Variants in PTPRM observed in about 807,000 individuals in gnomAD.
The protein encoded by PTPRM is protein tyrosine phosphatase receptor type M, also known as receptor-type tyrosine-protein phosphatase mu.
Under a neutral mutation model 186.7 loss-of-function variants are expected in PTPRM, and 47 were observed. The observed-to-expected ratio is 0.25, with a 90% confidence interval of 0.20 to 0.32. PTPRM has a LOEUF of 0.32. Ranked by LOEUF, PTPRM falls within the 10% of genes least tolerant of loss-of-function variation. The pLI is 1.00. For synonymous variants in PTPRM, 668 were observed against 674.9 expected (o/e 0.99, Z 0.16); for missense variants, 1,494 against 1,865.0 (o/e 0.80, Z 3.66).
chr18:8,289,954 T>C (rs889348036), intron 19 of PTPRM, among the ~76,000 whole-genome samples: 7 of 152,188 alleles, frequency 4.6e-5, no homozygotes, highest in Admixed American at 3.3e-4. Context: ...ATGCTCCTTT[T>C]GCCTGCCTTT....
chr18:7,686,659 G>A (rs1164520924), intron 1 of PTPRM, among the ~76,000 whole-genome samples: 1 of 151,652 alleles, frequency 6.6e-6, no homozygotes, highest in Non-Finnish European at 1.5e-5. Flanking sequence ...TTATTTGTAA[G>A]GTGAATATAA....
At chr18:8,096,610 A>G (rs507445) in intron 11 of PTPRM, among the ~76,000 whole-genome samples, 85,970 of 152,082 alleles carry the variant, frequency 0.57, 24,624 homozygotes, top group Non-Finnish European at 0.63. Context: ...TCAGAGCACT[A>G]AAAGATTGCA....
At chr18:8,132,518 T>A (rs2092536010) in intron 13 of PTPRM, among the ~76,000 whole-genome samples, 1 of 152,176 alleles carries the variant, frequency 6.6e-6, no homozygotes, top group African/African-American at 2.4e-5. Context: ...ATAGTTTGAA[T>A]CCTACTAATT....
chr18:7,826,680 G>A (rs932207465), intron 2 of PTPRM, among the ~76,000 whole-genome samples: 1 of 152,140 alleles, frequency 6.6e-6, no homozygotes. Context: ...GGAAAATACC[G>A]AAATTTATCA....
At chr18:8,174,935 C>T (rs974546149) in intron 14 of PTPRM, among the ~76,000 whole-genome samples, 9 of 152,236 alleles carry the variant, frequency 5.9e-5, no homozygotes, top group African/African-American at 2.2e-4. Flanking sequence ...AATCTGTGCA[C>T]TCTTATCTGA....
At chr18:8,013,288 G>T (rs2084653005) in intron 7 of PTPRM, among the ~76,000 whole-genome samples, 1 of 152,078 alleles carries the variant, frequency 6.6e-6, no homozygotes. Context: ...AGGGGCTGGG[G>T]AACCACAGTT....
intron 22 of PTPRM, among the ~76,000 whole-genome samples, chr18:8,337,749 G>A (rs865848850): frequency 2.0e-5 from 3 of 152,170 alleles, no homozygotes; most frequent in Admixed American, 1.3e-4. Context: ...TTTAAGTGAC[G>A]CATCAGCAGA....
At chr18:7,571,179 A>T (rs542911843) in intron 1 of PTPRM, among the ~76,000 whole-genome samples, 1 of 152,164 alleles carries the variant, frequency 6.6e-6, no homozygotes, top group Non-Finnish European at 1.5e-5. Flanking sequence ...TGACCTTGTG[A>T]TCTGCCTGCC....
chr18:7,825,866 A>T (rs886959054), intron 2 of PTPRM, among the ~76,000 whole-genome samples: 20 of 152,226 alleles, frequency 1.3e-4, no homozygotes, highest in Non-Finnish European at 1.5e-5. Flanking sequence ...GTTTTTCTAG[A>T]ATAATATCGA....
rs116161808 is a variant in PTPRM, at chr18:8,303,643, A to C, written c.2842+7188A>C. Among the ~76,000 whole-genome samples the C allele has an allele frequency of 6.6e-3, 1,000 of 152,326 alleles. 6 individuals are homozygous for C. The highest frequency in any genetic ancestry group is 0.02 in the African/African-American group (848 of 41,558). ...TAAATCCCTGCCAGGATTCTGAAGA[A>C]TAAAGAGAGAGCTCTGACACAGGGA... On this transcript the variant is annotated intron_variant, in intron 20 of 32. Transcript: ENST00000580170.
At chr18:8,328,301 T>C (rs1221415287) in intron 22 of PTPRM, among the ~76,000 whole-genome samples, 1 of 152,236 alleles carries the variant, frequency 6.6e-6, no homozygotes, top group East Asian at 1.9e-4. Context: ...GCACACTCTG[T>C]AAAGCAGCTT....
At chr18:7,741,891 G>T (rs2040891681) in intron 1 of PTPRM, 1 of 152,186 alleles carries the variant, frequency 6.6e-6, no homozygotes, top group South Asian at 2.1e-4. Flanking sequence ...AAGTTTTCCT[G>T]CAGGGAAATT....
intron 1 of PTPRM, among the ~76,000 whole-genome samples, chr18:7,747,351 A>ATCT (rs2041017180): frequency 6.6e-6 from 1 of 152,248 alleles, no homozygotes; most frequent in Non-Finnish European, 1.5e-5. Context: ...AGAAAAGGAG[A>ATCT]GGGAGCCTCC....
At chr18:8,114,702 T>C in intron 12 of PTPRM, 89 bp from the exon 13 acceptor site, 1 of 1,014,334 alleles carries the variant, frequency 9.9e-7, no homozygotes, top group Non-Finnish European at 1.5e-6. Flanking sequence ...TCCTTCCTTA[T>C]CAGTGCTATT....
chr18:7,932,201 G>C (rs2051530335), intron 5 of PTPRM, among the ~76,000 whole-genome samples: 2 of 152,188 alleles, frequency 1.3e-5, no homozygotes, highest in African/African-American at 4.8e-5. Context: ...ACAGATCTTT[G>C]ATCAGGCTAG....
intron 1 of PTPRM, among the ~76,000 whole-genome samples, chr18:7,759,792 C>T (rs1211410229): frequency 6.6e-6 from 1 of 152,082 alleles, no homozygotes; most frequent in Non-Finnish European, 1.5e-5. Context: ...AAATTTCAAG[C>T]CTCTTTGTTA....
chr18:8,087,156 A>G (rs2090475621), intron 10 of PTPRM, among the ~76,000 whole-genome samples: 1 of 152,156 alleles, frequency 6.6e-6, no homozygotes, highest in Non-Finnish European at 1.5e-5. Context: ...CTAGCGCATG[A>G]ATTTATCATG....
chr18:7,623,415 A>G (rs1334284369), intron 1 of PTPRM, among the ~76,000 whole-genome samples: 1 of 152,186 alleles, frequency 6.6e-6, no homozygotes, highest in Non-Finnish European at 1.5e-5. Context: ...CCATGCACGT[A>G]TATATGTATT....
chr18:7,650,282 T>G (rs1264797446), intron 1 of PTPRM, among the ~76,000 whole-genome samples: 2 of 152,170 alleles, frequency 1.3e-5, no homozygotes, highest in Non-Finnish European at 2.9e-5. Flanking sequence ...AAGGTAGATT[T>G]TAACCAGCCC....
Sources: gnomAD v4.1 joint callset for allele counts (sites outside exome capture counted in the v4.1 genomes callset) on GRCh38, gnomAD v4.1.1 for gene constraint, MANE v1.5 for transcripts, NCBI Gene and HGNC (gene_info 2026-07-23, HGNC 2026-07-21) for gene names.